ETS1: variants seen among roughly 807,000 people sequenced by gnomAD.
ETS1 encodes the protein protein C-ets-1.
A neutral mutation model predicts 58.6 loss-of-function variants in ETS1; 15 were observed. The ratio of observed to expected loss-of-function variants is 0.26; its 90% CI spans 0.17 to 0.39. ETS1 has a LOEUF of 0.39. Among genes scored for constraint, ETS1 ranks in the 10% least tolerant of loss-of-function variants. ETS1 has a pLI of 1.00. For missense variants in ETS1, 417 were observed against 610.5 expected (o/e 0.68, Z 3.34); for synonymous variants, 214 against 218.2 (o/e 0.98, Z 0.17).
chr11:128,476,226 T>C (rs1862318581), intron 8 of ETS1, among the ~76,000 whole-genome samples: 1 of 152,158 alleles, frequency 6.6e-6, no homozygotes, highest in African/African-American at 2.4e-5. Flanking sequence ...TGGAATGAAG[T>C]TCAATAAAGG....
intron 8 of ETS1, among the ~76,000 whole-genome samples, chr11:128,477,789 T>C (rs1210034228): frequency 6.6e-6 from 1 of 152,236 alleles, no homozygotes; most frequent in Non-Finnish European, 1.5e-5. Context: ...GCACTCAATA[T>C]GCGCTCAAAC....
At chr11:128,528,905 A>G (rs1291118966) in intron 3 of ETS1, 1 of 152,164 alleles carries the variant, frequency 6.6e-6, no homozygotes, top group African/African-American at 2.4e-5. Context: ...CTAATTTTTT[A>G]TTCTGAGACT....
chr11:128,469,550 C>G (rs866127125), intron 8 of ETS1, among the ~76,000 whole-genome samples: 1 of 152,226 alleles, frequency 6.6e-6, no homozygotes, highest in African/African-American at 2.4e-5. Context: ...TGTCAACCCT[C>G]TTCTAAATCA....
Position 128,462,123 on chromosome 11 carries a change from T to G in ETS1, c.*238A>C. On this transcript the variant is annotated 3_prime_UTR_variant, in exon 10 of 10. Transcript: ENST00000392668. ...CTTCAAGCTTCTGAGAAGGCCCTTC[T>G]CCCTCTCCTGAAAATTTGCTCAAGA... 1 of 511,728 alleles carries G rather than the reference T, an allele frequency of 2.0e-6. No individual in the cohort carries two copies. Among genetic ancestry groups the G allele is most frequent in the East Asian group, 3.0e-5 (1 of 33,018 alleles). 31.7% of individuals were successfully genotyped at this position (511,728 alleles called of 1,614,324 possible).
At chr11:128,578,724 C>T (rs1864802706) in intron 1 of ETS1, among the ~76,000 whole-genome samples, 1 of 152,074 alleles carries the variant, frequency 6.6e-6, no homozygotes, top group Non-Finnish European at 1.5e-5. Context: ...GATTATTCTC[C>T]ACATGTTCTT....
rs187144103 is a variant in ETS1 at position 128,497,713 on chromosome 11, C to T, written c.215-7137G>A. 1.2e-4 allele frequency: 33 copies of T among 264,994 alleles called. 1 individual carries two copies. The East Asian group carries it at 5.2e-3, about 42-fold the overall frequency. The allele number at this position is 264,994 out of a possible 1,614,324, so 16.4% of individuals were successfully genotyped here. A position where few individuals can be genotyped will look rare whatever the true frequency, so the allele number is the denominator to read the frequency against. On this transcript the variant is annotated intron_variant, in intron 3 of 9. Transcript: ENST00000392668. ...GGGATTGCAGGCATGTTCCCAAATT[C>T]GTTCAGGCACCTGACATGCACAAGC... is the stretch of plus-strand genomic sequence containing the variant.
intron 3 of ETS1, chr11:128,522,349 C>T (rs755562129): frequency 1.4e-5 from 14 of 1,015,740 alleles, no homozygotes; most frequent in Non-Finnish European, 1.5e-5. Flanking sequence ...CCGCGCTCTC[C>T]CCTCCTCTTT....
chr11:128,515,652 C>T (rs142897111), intron 3 of ETS1, among the ~76,000 whole-genome samples: 15 of 152,252 alleles, frequency 9.9e-5, no homozygotes, highest in East Asian at 3.9e-4. Context: ...CATTCTGATG[C>T]AATTATTAAT....
At chr11:128,494,220 G>A (rs1035492356) in intron 3 of ETS1, among the ~76,000 whole-genome samples, 6 of 152,076 alleles carry the variant, frequency 3.9e-5, no homozygotes, top group South Asian at 2.1e-4. Context: ...GAAACACTAC[G>A]CCAACACAGT....
At chr11:128,525,186 G>A (rs1038852133) in intron 3 of ETS1, among the ~76,000 whole-genome samples, 2 of 151,714 alleles carry the variant, frequency 1.3e-5, no homozygotes, top group South Asian at 4.2e-4. Flanking sequence ...CCTTACACTA[G>A]GAACGTGAAG....
chr11:128,536,447 GAAGA>G (rs961955545), intron 3 of ETS1: 3 of 152,200 alleles, frequency 2.0e-5, no homozygotes, highest in Non-Finnish European at 4.4e-5. Context: ...AGTAAGAAGA[GAAGA>G]AATATGTATC....
intron 4 of ETS1, 120 bp downstream of exon 4, chr11:128,490,337 C>A: frequency 1.0e-6 from 1 of 993,286 alleles, no homozygotes. Context: ...CAGCCATGGC[C>A]CATAGCTGCT....
chr11:128,501,481 C>T (rs1346507387), intron 3 of ETS1, among the ~76,000 whole-genome samples: 1 of 152,218 alleles, frequency 6.6e-6, no homozygotes, highest in East Asian at 1.9e-4. Context: ...ATTAACTTCA[C>T]TTTGTTTCGA....
chr11:128,486,020 T>C (rs557956997), intron 6 of ETS1, 49 bp downstream of exon 6: 2 of 1,163,058 alleles, frequency 1.7e-6, no homozygotes, highest in African/African-American at 3.0e-5. Context: ...TAGGGGTCTT[T>C]TCCTAGTTTG....
intron 8 of ETS1, among the ~76,000 whole-genome samples, chr11:128,467,042 C>A (rs578000274): frequency 2.0e-5 from 3 of 152,172 alleles, no homozygotes; most frequent in Non-Finnish European, 4.4e-5. Context: ...TCATGATGGC[C>A]GCTGAAGCGT....
At chr11:128,528,698 C>T (rs976159337) in intron 3 of ETS1, among the ~76,000 whole-genome samples, 3 of 152,136 alleles carry the variant, frequency 2.0e-5, no homozygotes, top group Non-Finnish European at 4.4e-5. Context: ...AAATGAAGCT[C>T]AGATACCAGT....
chr11:128,534,762 T>G (rs935788590), intron 3 of ETS1, among the ~76,000 whole-genome samples: 1 of 152,222 alleles, frequency 6.6e-6, no homozygotes, highest in Non-Finnish European at 1.5e-5. Context: ...GATCTTGTTC[T>G]TTTTTATAGC....
chr11:128,480,917 T>C (rs140166138), intron 7 of ETS1, among the ~76,000 whole-genome samples: 7 of 152,320 alleles, frequency 4.6e-5, no homozygotes, highest in East Asian at 1.9e-4. Flanking sequence ...AAGGCCCAGT[T>C]TGGAAAACAT....
intron 8 of ETS1, among the ~76,000 whole-genome samples, chr11:128,465,029 C>CA (rs1829573343): frequency 6.6e-6 from 1 of 152,128 alleles, no homozygotes; most frequent in Non-Finnish European, 1.5e-5. Context: ...GTCTAGTACC[C>CA]AGGCCTTTAG....
Sources: allele counts gnomAD v4.1 joint callset (sites outside exome capture counted in the v4.1 genomes callset), GRCh38; gene constraint gnomAD v4.1.1; transcripts MANE v1.5; gene names NCBI Gene and HGNC (gene_info 2026-07-23, HGNC 2026-07-21).